The following CNTLN variants were observed in gnomAD, a reference collection of about 807,000 sequenced individuals.
The protein encoded by CNTLN is centlein, also known as centlein, centrosomal protein.
CNTLN carries 212 observed loss-of-function variants against 180.0 expected under a neutral mutation model. That is an observed-to-expected ratio of 1.18 (90% CI 1.05 to 1.32). The LOEUF is 1.32. CNTLN is among the 40% of genes most tolerant of loss of function. The pLI is 0.00. For missense variants in CNTLN, 2,095 were observed against 1,610.9 expected, an observed-to-expected ratio of 1.30 and a Z score of -5.14; for synonymous variants, 722 against 563.1, an observed-to-expected ratio of 1.28 and a Z score of -3.99.
At chr9:17,362,748 T>A (rs988639600) in intron 12 of CNTLN, among the ~76,000 whole-genome samples, 2 of 152,172 alleles carry the variant, frequency 1.3e-5, no homozygotes, top group East Asian at 1.9e-4. Flanking sequence ...CTCCTTTTTT[T>A]AAAATTATAC....
In CNTLN at chr9:17,330,630, A is replaced by G; in HGVS notation, c.1342-2A>G. 2 of 1,535,944 alleles carry G rather than the reference A, an allele frequency of 1.3e-6. No individual in the cohort carries two copies. The highest frequency in any genetic ancestry group is 1.8e-6 in the Non-Finnish European group (2 of 1,136,710). ...TATTTACAATTATACTTTTTAAAAT[A>G]GGTACCTCATCGCCCATCCTTATCA... On this transcript the variant is annotated splice_acceptor_variant, in intron 8 of 25. Transcript: ENST00000380647. LOFTEE classifies it high-confidence loss of function.
At chr9:17,280,803 T>G (rs75228645) in intron 6 of CNTLN, among the ~76,000 whole-genome samples, 2 of 152,308 alleles carry the variant, frequency 1.3e-5, no homozygotes, top group Non-Finnish European at 2.9e-5. Flanking sequence ...GTAGCATTGT[T>G]TATCCCAGTC....
intron 5 of CNTLN, among the ~76,000 whole-genome samples, chr9:17,263,021 C>T (rs546225658): frequency 8.6e-5 from 13 of 150,992 alleles, no homozygotes; most frequent in Non-Finnish European, 1.3e-4. Context: ...TCTAATTTAT[C>T]TAAAGGTTTA....
At chr9:17,355,410 C>T (rs76258153) in intron 12 of CNTLN, among the ~76,000 whole-genome samples, 2,742 of 152,202 alleles carry the variant, frequency 0.018, 77 homozygotes, top group African/African-American at 0.063. Context: ...TTGATAGTAT[C>T]CTTTGATGCA....
intron 8 of CNTLN, among the ~76,000 whole-genome samples, chr9:17,318,231 G>C (rs1047462673): frequency 6.6e-6 from 1 of 151,702 alleles, no homozygotes; most frequent in South Asian, 2.1e-4. Context: ...GGGTTTCACC[G>C]TGTTAGCCAA....
rs1435077058 is a variant in CNTLN at position 17,150,000 on chromosome 9, T to C, written c.449+6624T>C. On this transcript the variant is annotated intron_variant, in intron 2 of 25. Transcript: ENST00000380647. Reference sequence around the variant, plus strand: ...TCCTTTGCCAATTTTTTGATGGAACTTTTTTTTTCTGGTAGATTTGTTTAA... The same window carrying C: ...TCCTTTGCCAATTTTTTGATGGAACCTTTTTTTTCTGGTAGATTTGTTTAA... Among the ~76,000 whole-genome samples, 5 of 151,948 alleles carry C rather than the reference T, an allele frequency of 3.3e-5. No individual in the cohort carries two copies. The East Asian group carries it at 5.8e-4, about 18-fold the overall frequency.
chr9:17,157,178 A>G (rs1009724769), intron 2 of CNTLN, among the ~76,000 whole-genome samples: 1 of 152,202 alleles, frequency 6.6e-6, no homozygotes. Flanking sequence ...TCTTTTTCTG[A>G]TACCATTTGG....
intron 14 of CNTLN, among the ~76,000 whole-genome samples, chr9:17,393,508 G>A (rs1826264977): frequency 6.6e-6 from 1 of 152,022 alleles, no homozygotes; most frequent in Admixed American, 6.6e-5. Context: ...TGAATAGTGG[G>A]AAGGGCACAA....
chr9:17,173,077 G>A (rs186753190), intron 2 of CNTLN, among the ~76,000 whole-genome samples: 1 of 152,266 alleles, frequency 6.6e-6, no homozygotes, highest in African/African-American at 2.4e-5. Context: ...TTTCAAAGAA[G>A]TCACTGTCAA....
intron 5 of CNTLN, among the ~76,000 whole-genome samples, chr9:17,265,957 C>G (rs1225338435): frequency 1.3e-4 from 20 of 152,104 alleles, no homozygotes; most frequent in African/African-American, 4.6e-4. Flanking sequence ...TGCTAGCGGT[C>G]TATCAATTTT....
intron 2 of CNTLN, among the ~76,000 whole-genome samples, chr9:17,162,326 G>C (rs1190819339): frequency 6.6e-6 from 1 of 152,124 alleles, no homozygotes; most frequent in East Asian, 1.9e-4. Flanking sequence ...GTGTTAGGCA[G>C]GGTGGTCTCC....
rs527418279 is a variant in CNTLN, at chr9:17,149,917, T to C, written c.449+6541T>C. Among the ~76,000 whole-genome samples, 4 of 152,318 alleles carry C rather than the reference T, an allele frequency of 2.6e-5. No individual in the cohort carries two copies. In the South Asian group the frequency reaches 8.3e-4, roughly 32 times the overall value. On this transcript the variant is annotated intron_variant, in intron 2 of 25. Transcript: ENST00000380647. ...CTCTAATGACCAGTGATGATGAGCA[T>C]TTTTTCATATGTCTGTTGGCTGCAT... is the stretch of plus-strand genomic sequence containing the variant.
chr9:17,347,453 G>C (rs1821990712), intron 12 of CNTLN, among the ~76,000 whole-genome samples: 1 of 152,102 alleles, frequency 6.6e-6, no homozygotes, highest in Non-Finnish European at 1.5e-5. Context: ...CAGATCACTT[G>C]AGGTCAGGGG....
chr9:17,359,725 CAAAAAAA>C (rs1176814681), intron 12 of CNTLN, among the ~76,000 whole-genome samples: 298 of 21,338 alleles, frequency 0.014, 6 homozygotes, highest in African/African-American at 0.03. Context: ...ACTAAAAATA[CAAAAAAA>C]AAAAAAAAAA....
intron 2 of CNTLN, among the ~76,000 whole-genome samples, chr9:17,156,712 G>A (rs1433184765): frequency 6.6e-6 from 1 of 152,052 alleles, no homozygotes; most frequent in Non-Finnish European, 1.5e-5. Flanking sequence ...TACAGGTTCA[G>A]TTCCAGACCA....
chr9:17,188,883 T>C lies in CNTLN; in HGVS notation c.450-37320T>C, dbSNP rs192148002. Among the ~76,000 whole-genome samples the C allele has an allele frequency of 2.1e-3, 327 of 152,126 alleles. 4 individuals carry two copies. Among genetic ancestry groups the C allele is most frequent in the African/African-American group, 7.5e-3 (312 of 41,540 alleles). On this transcript the variant is annotated intron_variant, in intron 2 of 25. Coordinates refer to ENST00000380647, the MANE Select transcript of CNTLN (RefSeq NM_017738.4). Reference sequence around the variant, plus strand: ...ATTATCTGAGTCATTGACTTTTTTTTCCCTCCAGATTATGGATTATGTGTT... The same window carrying C: ...ATTATCTGAGTCATTGACTTTTTTTCCCCTCCAGATTATGGATTATGTGTT...
chr9:17,258,840 G>A (rs1315519300), intron 5 of CNTLN, among the ~76,000 whole-genome samples: 3 of 144,754 alleles, frequency 2.1e-5, no homozygotes, highest in Non-Finnish European at 4.5e-5. Context: ...CTGAGACTTT[G>A]CTGAAGTTGC....
intron 13 of CNTLN, among the ~76,000 whole-genome samples, chr9:17,379,018 T>C (rs1825008506): frequency 6.6e-6 from 1 of 151,996 alleles, no homozygotes; most frequent in Non-Finnish European, 1.5e-5. Context: ...TTTTGAAAGG[T>C]ATTTTCAGTA....
rs150209715 is a variant in CNTLN, at chr9:17,320,118, C to T, written c.1342-10514C>T. On this transcript the variant is annotated intron_variant, in intron 8 of 25. Transcript: ENST00000380647. Reference sequence around the variant, plus strand: ...ATTTATCTGTGAATGAGATACATGCCATGTGGCTAATGGCAAGACCACAAG... The same window carrying T: ...ATTTATCTGTGAATGAGATACATGCTATGTGGCTAATGGCAAGACCACAAG... Among the ~76,000 whole-genome samples, 5 of 152,322 alleles carry T rather than the reference C, an allele frequency of 3.3e-5. No individual in the cohort carries two copies. The East Asian group carries it at 7.7e-4, about 24-fold the overall frequency.
Sources: allele counts gnomAD v4.1 joint callset (sites outside exome capture counted in the v4.1 genomes callset), GRCh38; gene constraint gnomAD v4.1.1; transcripts MANE v1.5; gene names NCBI Gene and HGNC (gene_info 2026-07-23, HGNC 2026-07-21).